PRKD2: variants seen among roughly 807,000 people sequenced by gnomAD.
The protein encoded by PRKD2 is serine/threonine-protein kinase D2.
In PRKD2, 22 loss-of-function variants were observed where a neutral mutation model predicts 86.0. That is an observed-to-expected ratio of 0.26 (90% CI 0.18 to 0.37). The LOEUF is 0.37. Among genes scored for constraint, PRKD2 ranks in the 10% least tolerant of loss-of-function variants. PRKD2 has a pLI of 1.00. For synonymous variants in PRKD2, 509 were observed against 510.9 expected, an observed-to-expected ratio of 1.00 and a Z score of 0.05; for missense variants, 818 against 1,199.2, an observed-to-expected ratio of 0.68 and a Z score of 4.70.
rs576427570 is a variant in PRKD2 at position 46,714,174 on chromosome 19, T to G, written c.241-173A>C. 938 of 1,333,574 alleles carry G rather than the reference T, an allele frequency of 7.0e-4. 5 individuals are homozygous for G. The African/African-American group carries it at 0.013, about 18-fold the overall frequency. The allele number at this position is 1,333,574 out of a possible 1,614,324, so 82.6% of individuals were successfully genotyped here. On this transcript the variant is annotated intron_variant, in intron 1 of 17. Coordinates refer to ENST00000291281, the MANE Select transcript of PRKD2 (RefSeq NM_016457.5). ...CAACCCCAGCGCGAGCCGGGCAGGA[T>G]GCCAGCGCCCCAATTGTACGGGGAG...
In PRKD2 at chr19:46,692,135, C is replaced by A. The variant is rs925394141; in HGVS notation, c.1577-150G>T. On this transcript the variant is annotated intron_variant, in intron 10 of 17. Coordinates refer to ENST00000291281, the MANE Select transcript of PRKD2 (RefSeq NM_016457.5). ...CAACTTCAGGCTGGTGACTTGTCCACTACGAACCTCAGTTTCCTCATCTAG... is the reference window on the plus strand; with the variant it reads ...CAACTTCAGGCTGGTGACTTGTCCAATACGAACCTCAGTTTCCTCATCTAG... 7 of 733,472 alleles carry A rather than the reference C, an allele frequency of 9.5e-6. No homozygotes were observed. In the African/African-American group the frequency reaches 1.2e-4, roughly 13 times the overall value. 45.4% of individuals were successfully genotyped at this position (733,472 alleles called of 1,614,324 possible).
At chr19:46,689,450 G>T in intron 14 of PRKD2, 87 bp downstream of exon 14, 1 of 1,434,204 alleles carries the variant, frequency 7.0e-7, no homozygotes, top group Non-Finnish European at 9.4e-7. Flanking sequence ...TCCCCCAAGT[G>T]TCTGCTTGAC....
At position 46,708,807 on chromosome 19, in the gene PRKD2, C is replaced by T. The variant is rs755885316; in HGVS notation, c.511+2100G>A. 1.9e-4 allele frequency among the ~76,000 whole-genome samples: 29 copies of T among 152,112 alleles called. No homozygotes were observed. The South Asian group carries it at 2.3e-3, about 12-fold the overall frequency. On this transcript the variant is annotated intron_variant, in intron 3 of 17. Transcript: ENST00000291281. ...AAGTAAATGTCTGTCATTTAAGCCACGCAGGGTGGTATTTTGTTAAGGCAG... is the reference window on the plus strand; with the variant it reads ...AAGTAAATGTCTGTCATTTAAGCCATGCAGGGTGGTATTTTGTTAAGGCAG...
chr19:46,716,049 C>T lies in PRKD2; in HGVS notation c.240+82G>A. 1 of 1,542,790 alleles carries T rather than the reference C, an allele frequency of 6.5e-7. No individual in the cohort carries two copies. Among genetic ancestry groups the T allele is most frequent in the Non-Finnish European group, 8.7e-7 (1 of 1,146,330 alleles). On this transcript the variant is annotated intron_variant, in intron 1 of 17. Transcript: ENST00000291281. The surrounding 1 kb of genome is among the most constrained non-coding windows in gnomAD (Gnocchi z 7.9). Reference sequence around the variant, plus strand: ...TCAGGTCTCCTTCCTCCCTCTTCCGCACACCAGGCCCCAGACCCCTCTGCC... The same window carrying T: ...TCAGGTCTCCTTCCTCCCTCTTCCGTACACCAGGCCCCAGACCCCTCTGCC...
chr19:46,682,701 A>AT (rs71177241), intron 14 of PRKD2, among the ~76,000 whole-genome samples: 5,149 of 102,792 alleles, frequency 0.05, 180 homozygotes, highest in East Asian at 0.15. Context: ...ATGTGATTCT[A>AT]TTTTTTTTTT....
chr19:46,710,773 T>A, intron 3 of PRKD2, 134 bp downstream of exon 3: 1 of 1,024,180 alleles, frequency 9.8e-7, no homozygotes. Context: ...CTTCCCATTA[T>A]TACTTCCTAG....
intron 7 of PRKD2, among the ~76,000 whole-genome samples, chr19:46,698,649 G>A (rs1242778944): frequency 1.3e-5 from 2 of 152,212 alleles, no homozygotes; most frequent in Non-Finnish European, 2.9e-5. Flanking sequence ...GTACAGTAAG[G>A]AAGGTCTACA....
chr19:46,700,104 C>T (rs2053615577), intron 7 of PRKD2, among the ~76,000 whole-genome samples: 1 of 124,704 alleles, frequency 8.0e-6, no homozygotes, highest in South Asian at 2.6e-4. Context: ...TGGGCCTGGG[C>T]GGGTGCCTGT....
chr19:46,711,034 C>T lies in PRKD2; in HGVS notation c.384G>A (p.Ser128=). Reference sequence around the variant, plus strand: ...GGATCTGGAAGTCCTCGAAGGTGGCCGAGGCTGTAGGCGGAAAATAGGGGT... The same window carrying T: ...GGATCTGGAAGTCCTCGAAGGTGGCTGAGGCTGTAGGCGGAAAATAGGGGT... The part of the protein sequence containing the change: ...GDLVEVVLSA[S]ATFEDFQIRP... The change falls in exon 3 of 18, where the codon TCG becomes TCA. Residue 128 remains serine (S), a synonymous_variant. Coordinates refer to ENST00000291281, the MANE Select transcript of PRKD2 (RefSeq NM_016457.5). 1 of 1,581,478 alleles carries T rather than the reference C, an allele frequency of 6.3e-7. No individual in the cohort carries two copies.
rs1211970981 is a variant in PRKD2 at position 46,678,315 on chromosome 19, A to AC, written c.2338+80dup. The AC allele has an allele frequency of 3.2e-6, 5 of 1,539,182 alleles. No individual in the cohort carries two copies. The highest frequency in any genetic ancestry group is 1.2e-5 in the South Asian group (1 of 82,850). On this transcript the variant is annotated intron_variant, in intron 16 of 17. Transcript: ENST00000291281. The surrounding 1 kb of genome is among the most constrained non-coding windows in gnomAD (Gnocchi z 5.7). Reference sequence around the variant, plus strand: ...AAGGTGCCAGGCTGTTTCCGGGTCCACCCCCCTCTCATGGCTCCGCCCACT... The same window carrying AC: ...AAGGTGCCAGGCTGTTTCCGGGTCCACCCCCCCTCTCATGGCTCCGCCCACT...
intron 15 of PRKD2, among the ~76,000 whole-genome samples, chr19:46,680,053 G>C (rs980571689): frequency 4.6e-5 from 7 of 152,070 alleles, no homozygotes; most frequent in African/African-American, 1.4e-4. Context: ...TTCATGTACT[G>C]TCCTTTCCCT....
At chr19:46,685,527 G>C (rs1263876091) in intron 14 of PRKD2, 5 of 149,860 alleles carry the variant, frequency 3.3e-5, no homozygotes, top group Admixed American at 2.7e-4. Context: ...GAAATCTGCA[G>C]AGAGAGAGAG....
intron 5 of PRKD2, among the ~76,000 whole-genome samples, chr19:46,703,181 A>G (rs1256788123): frequency 1.3e-5 from 2 of 152,204 alleles, no homozygotes; most frequent in Non-Finnish European, 2.9e-5. Flanking sequence ...GGGAGATCTA[A>G]GATGTGTAAT....
At chr19:46,707,991 G>C (rs1034297499) in intron 3 of PRKD2, among the ~76,000 whole-genome samples, 1 of 152,112 alleles carries the variant, frequency 6.6e-6, no homozygotes. Context: ...CCAGCTACTC[G>C]GTAGGCTGAG....
intron 7 of PRKD2, among the ~76,000 whole-genome samples, chr19:46,699,914 A>C (rs1216956100): frequency 8.5e-6 from 1 of 118,212 alleles, no homozygotes; most frequent in Admixed American, 9.2e-5. Flanking sequence ...AAGACCCCCT[A>C]TCTTAAAAAA....
intron 16 of PRKD2, among the ~76,000 whole-genome samples, chr19:46,676,858 A>C (rs2053212337): frequency 6.6e-6 from 1 of 152,104 alleles, no homozygotes; most frequent in Non-Finnish European, 1.5e-5. Flanking sequence ...TCAGGAGTTC[A>C]AGACCAGCCT....
chr19:46,710,885 C>A, intron 3 of PRKD2, 22 bp downstream of exon 3: 1 of 1,546,482 alleles, frequency 6.5e-7, no homozygotes, highest in East Asian at 2.4e-5. Flanking sequence ...CCAGGCCCCG[C>A]CCCCAACCCT....
At chr19:46,679,807 T>C (rs1299827797) in intron 15 of PRKD2, among the ~76,000 whole-genome samples, 2 of 152,074 alleles carry the variant, frequency 1.3e-5, no homozygotes, top group Non-Finnish European at 2.9e-5. Context: ...GTATTTTTAG[T>C]AGAGACGACA....
chr19:46,693,071 C>T lies in PRKD2; in HGVS notation c.1576+804G>A, dbSNP rs544604768. On this transcript the variant is annotated intron_variant, in intron 10 of 17. Transcript: ENST00000291281. The surrounding 1 kb of genome is among the most constrained non-coding windows in gnomAD (Gnocchi z 4.5). ...CTCCCATTTTCTTTCCCACATCTCA[C>T]CCTGCCTCGGCCTCCAGATCTCAGT... 6.6e-6 allele frequency among the ~76,000 whole-genome samples: 1 copy of T among 152,312 alleles called. No individual in the cohort carries two copies. The highest frequency in any genetic ancestry group is 1.5e-5 in the Non-Finnish European group (1 of 68,028).
Sources: gnomAD v4.1 joint callset for allele counts (sites outside exome capture counted in the v4.1 genomes callset) on GRCh38, gnomAD v4.1.1 for gene constraint, Gnocchi (gnomAD v3.1) non-coding constraint, MANE v1.5 for transcripts, NCBI Gene and HGNC (gene_info 2026-07-23, HGNC 2026-07-21) for gene names.